Variants in NTRK3 observed in about 807,000 individuals in gnomAD.
NTRK3 encodes the protein NT-3 growth factor receptor.
NTRK3 carries 24 observed loss-of-function variants against 91.7 expected under a neutral mutation model. The ratio of observed to expected loss-of-function variants is 0.26; its 90% CI spans 0.19 to 0.37. The LOEUF (loss-of-function observed/expected upper bound fraction) is 0.37, where lower values mean the gene tolerates loss of function less well. NTRK3 is among the 10% of genes least tolerant of loss of function. NTRK3 has a pLI of 1.00. For missense variants in NTRK3, 880 were observed against 1,068.9 expected (o/e 0.82, Z 2.46); for synonymous variants, 483 against 404.0 (o/e 1.20, Z -2.34).
intron 5 of NTRK3, among the ~76,000 whole-genome samples, chr15:88,163,194 T>C (rs1489665724): frequency 1.3e-5 from 2 of 152,118 alleles, no homozygotes; most frequent in East Asian, 3.9e-4. Flanking sequence ...CTATATAATA[T>C]CTGGTAGCAA....
chr15:87,906,033 G>A (rs569801708), intron 17 of NTRK3, among the ~76,000 whole-genome samples: 7 of 152,254 alleles, frequency 4.6e-5, no homozygotes, highest in East Asian at 3.9e-4. Flanking sequence ...TGGGACATTC[G>A]GGTCACCCAG....
chr15:87,893,058 T>G (rs535188473), intron 17 of NTRK3, among the ~76,000 whole-genome samples: 38 of 152,230 alleles, frequency 2.5e-4, no homozygotes, highest in Non-Finnish European at 4.9e-4. Flanking sequence ...CAACTTAAGA[T>G]GTGCAACGGA....
At chr15:88,181,704 C>T (rs985503889) in intron 5 of NTRK3, among the ~76,000 whole-genome samples, 7 of 152,160 alleles carry the variant, frequency 4.6e-5, no homozygotes, top group African/African-American at 1.2e-4. Context: ...TGTTTTTAGT[C>T]GGCAGCATTT....
intron 13 of NTRK3, among the ~76,000 whole-genome samples, chr15:88,073,784 C>T (rs750408473): frequency 1.3e-5 from 2 of 151,970 alleles, no homozygotes; most frequent in Non-Finnish European, 2.9e-5. Flanking sequence ...AACACCCCCC[C>T]GCCCCACCCC....
chr15:88,031,258 C>T (rs76335734), intron 14 of NTRK3, among the ~76,000 whole-genome samples: 2,384 of 152,172 alleles, frequency 0.016, 59 homozygotes, highest in African/African-American at 0.053. Context: ...GTGTTCACGG[C>T]GACTTCACAG....
At chr15:88,177,628 T>A (rs984365408) in intron 5 of NTRK3, among the ~76,000 whole-genome samples, 4 of 152,192 alleles carry the variant, frequency 2.6e-5, no homozygotes, top group Admixed American at 6.5e-5. Flanking sequence ...GGGCTTGGTA[T>A]GAAATCAAGA....
intron 13 of NTRK3, among the ~76,000 whole-genome samples, chr15:88,106,019 C>T (rs900614459): frequency 7.2e-5 from 11 of 152,366 alleles, no homozygotes; most frequent in Non-Finnish European, 1.5e-4. Context: ...GCCTCCATTG[C>T]ACTCTGTGAG....
At chr15:88,165,495 T>C (rs571571093) in intron 5 of NTRK3, among the ~76,000 whole-genome samples, 45 of 152,306 alleles carry the variant, frequency 3.0e-4, no homozygotes, top group African/African-American at 1.1e-3. Flanking sequence ...TTCCTTGCTA[T>C]AAGGACTTTT....
chr15:87,897,942 T>C (rs1383511011), intron 17 of NTRK3, among the ~76,000 whole-genome samples: 1 of 152,214 alleles, frequency 6.6e-6, no homozygotes, highest in Non-Finnish European at 1.5e-5. Context: ...AGAATTTATT[T>C]AACCTCTGGA....
chr15:87,876,108 C>A, exon 19 of NTRK3: 1 of 232,378 alleles, frequency 4.3e-6, no homozygotes, highest in African/African-American at 2.2e-5. Flanking sequence ...TCTTTTACTC[C>A]AGAAAGTCCA....
rs1017901864 is a variant in NTRK3, at chr15:88,237,107, C to G, written c.248+18799G>C. Among the ~76,000 whole-genome samples the G allele has an allele frequency of 8.5e-5, 13 of 152,158 alleles. No individual in the cohort carries two copies. The highest frequency in any genetic ancestry group is 3.1e-4 in the African/African-American group (13 of 41,428). On this transcript the variant is annotated intron_variant, in intron 3 of 18. Transcript: ENST00000394480. This position sits in a 1 kb window ranked among gnomAD's most constrained non-coding sequence, Gnocchi z 4.0. Reference sequence around the variant, plus strand: ...GGAGCATGCCAACATCTAAAATTTACTCTGAAATGCATCAGAAAAATAGGA... The same window carrying G: ...GGAGCATGCCAACATCTAAAATTTAGTCTGAAATGCATCAGAAAAATAGGA...
intron 3 of NTRK3, among the ~76,000 whole-genome samples, chr15:88,221,415 A>G (rs2050225858): frequency 6.6e-6 from 1 of 152,252 alleles, no homozygotes. Context: ...AGCAATTTTA[A>G]CCATGTTACC....
chr15:87,898,257 G>C (rs1206057516), intron 17 of NTRK3, among the ~76,000 whole-genome samples: 2 of 152,226 alleles, frequency 1.3e-5, no homozygotes, highest in African/African-American at 4.8e-5. Context: ...ATGCCAGCCA[G>C]TCAGCATGGT....
chr15:88,084,830 ACT>A (rs1256465682), intron 13 of NTRK3, among the ~76,000 whole-genome samples: 3 of 152,174 alleles, frequency 2.0e-5, no homozygotes, highest in Admixed American at 1.3e-4. Flanking sequence ...AGCAGGACAC[ACT>A]GAGAGCCACT....
intron 16 of NTRK3, among the ~76,000 whole-genome samples, chr15:87,932,198 C>T (rs781063664): frequency 3.3e-5 from 5 of 152,342 alleles, no homozygotes; most frequent in Non-Finnish European, 5.9e-5. Context: ...TAAGAGCCCT[C>T]GAAGTCCAGA....
Position 87,958,104 on chromosome 15 carries a change from C to T in NTRK3, c.1586-17351G>A, listed in dbSNP as rs947065097. ...AACTTCCCACGTAATGCTAAAATTA[C>T]AGCAAAAGCCGCTCCACACACAATT... On this transcript the variant is annotated intron_variant, in intron 14 of 18. Transcript: ENST00000394480. 6.5e-4 allele frequency among the ~76,000 whole-genome samples: 99 copies of T among 152,242 alleles called. 1 individual carries two copies. The highest frequency in any genetic ancestry group is 2.3e-3 in the African/African-American group (97 of 41,536).
At chr15:87,893,891 C>A (rs2065972128) in intron 17 of NTRK3, among the ~76,000 whole-genome samples, 1 of 152,182 alleles carries the variant, frequency 6.6e-6, no homozygotes, top group Admixed American at 6.5e-5. Flanking sequence ...ATTCCCTAAT[C>A]TGCATGGGCT....
intron 15 of NTRK3, among the ~76,000 whole-genome samples, chr15:87,937,775 G>A (rs2069435320): frequency 1.3e-5 from 2 of 151,870 alleles, no homozygotes; most frequent in African/African-American, 4.8e-5. Context: ...CACAAGAAGG[G>A]GGAGAAATAA....
At chr15:88,092,262 G>A (rs1407429052) in intron 13 of NTRK3, among the ~76,000 whole-genome samples, 1 of 152,212 alleles carries the variant, frequency 6.6e-6, no homozygotes, top group Non-Finnish European at 1.5e-5. Context: ...GGAGGGCTGG[G>A]CCACGTCTCT....
Sources: allele counts gnomAD v4.1 joint callset (sites outside exome capture counted in the v4.1 genomes callset), GRCh38; gene constraint gnomAD v4.1.1; non-coding constraint Gnocchi (gnomAD v3.1); transcripts MANE v1.5; gene names NCBI Gene and HGNC (gene_info 2026-07-23, HGNC 2026-07-21).